The following MAN2A1 variants were observed in gnomAD, a reference collection of about 807,000 sequenced individuals.
The protein encoded by MAN2A1 is alpha-mannosidase 2.
In MAN2A1, 76 loss-of-function variants were observed where a neutral mutation model predicts 142.6. That is an observed-to-expected ratio of 0.53 (90% CI 0.44 to 0.65). MAN2A1 has a LOEUF of 0.65. Among genes scored for constraint, MAN2A1 ranks in the 30% least tolerant of loss-of-function variants. The probability of loss-of-function intolerance (pLI) is 0.00; values close to 1 mark genes in which losing one functional copy is unlikely to be tolerated. For missense variants in MAN2A1, 1,311 were observed against 1,365.1 expected, an observed-to-expected ratio of 0.96 and a Z score of 0.62; for synonymous variants, 559 against 473.2, an observed-to-expected ratio of 1.18 and a Z score of -2.35.
chr5:109,757,288 G>A (rs919500288), intron 5 of MAN2A1, among the ~76,000 whole-genome samples: 7 of 151,964 alleles, frequency 4.6e-5, no homozygotes, highest in African/African-American at 7.3e-5. Flanking sequence ...ATAAACCTCC[G>A]TTATGAATGT....
At chr5:109,805,377 T>C (rs1754138166) in intron 12 of MAN2A1, among the ~76,000 whole-genome samples, 1 of 152,250 alleles carries the variant, frequency 6.6e-6, no homozygotes, top group Non-Finnish European at 1.5e-5. Context: ...TCTGCTTCGG[T>C]TACATTTATG....
chr5:109,838,829 G>A (rs1755123500), intron 16 of MAN2A1, among the ~76,000 whole-genome samples: 1 of 152,166 alleles, frequency 6.6e-6, no homozygotes, highest in South Asian at 2.1e-4. Flanking sequence ...TTAAGTGTTT[G>A]TTGCCACAAC....
intron 5 of MAN2A1, among the ~76,000 whole-genome samples, chr5:109,757,193 A>G (rs1413814046): frequency 6.6e-6 from 1 of 152,142 alleles, no homozygotes; most frequent in African/African-American, 2.4e-5. Flanking sequence ...CAAATCACCA[A>G]ACCTGAAGGT....
intron 21 of MAN2A1, among the ~76,000 whole-genome samples, chr5:109,866,388 A>G (rs531613087): frequency 6.6e-6 from 1 of 151,844 alleles, no homozygotes; most frequent in East Asian, 1.9e-4. Context: ...CTCTCTCTTA[A>G]CTCTGTTGGA....
At position 109,797,260 on chromosome 5, in the gene MAN2A1, T is replaced by A. The variant is rs1173563154; in HGVS notation, c.1943+7733T>A. Among the ~76,000 whole-genome samples, 5 of 151,770 alleles carry A rather than the reference T, an allele frequency of 3.3e-5. No individual in the cohort carries two copies. The East Asian group carries it at 5.9e-4, about 18-fold the overall frequency. On this transcript the variant is annotated intron_variant, in intron 12 of 21. Transcript: ENST00000261483. Reference sequence around the variant, plus strand: ...TTACAGAGACCAGATGAAAATTTTTTTAAAAAAAGAGGACCTGGAACTCTC... The same window carrying A: ...TTACAGAGACCAGATGAAAATTTTTATAAAAAAAGAGGACCTGGAACTCTC...
intron 3 of MAN2A1, among the ~76,000 whole-genome samples, chr5:109,727,490 A>G: frequency 6.6e-6 from 1 of 152,178 alleles, no homozygotes; most frequent in East Asian, 1.9e-4. Context: ...TGAGGTGGTG[A>G]GACTTCAGCA....
intron 1 of MAN2A1, among the ~76,000 whole-genome samples, chr5:109,710,376 A>G (rs769238790): frequency 6.6e-6 from 1 of 152,208 alleles, no homozygotes; most frequent in Non-Finnish European, 1.5e-5. Context: ...TTGTTGAGCT[A>G]TAGGCAGTTT....
intron 13 of MAN2A1, among the ~76,000 whole-genome samples, chr5:109,819,348 T>C (rs1754558968): frequency 6.6e-6 from 1 of 152,242 alleles, no homozygotes; most frequent in Non-Finnish European, 1.5e-5. Flanking sequence ...CATCTGCATT[T>C]GCATATAACC....
chr5:109,754,887 G>A (rs996025082), intron 4 of MAN2A1, among the ~76,000 whole-genome samples: 1 of 152,218 alleles, frequency 6.6e-6, no homozygotes, highest in African/African-American at 2.4e-5. Flanking sequence ...TGTAATCCCG[G>A]TTACTCGGGA....
Position 109,736,779 on chromosome 5 carries a change from C to G in MAN2A1, c.707+7266C>G, listed in dbSNP as rs565693330. Among the ~76,000 whole-genome samples the G allele has an allele frequency of 2.6e-5, 4 of 152,048 alleles. No homozygotes were observed. The South Asian group carries it at 6.2e-4, about 24-fold the overall frequency. ...TGTTTATATTTTACCAGTTTTTACT[C>G]TTGACCTATCTGCTTTCATCTTTCC... On this transcript the variant is annotated intron_variant, in intron 4 of 21. Coordinates refer to ENST00000261483, the MANE Select transcript of MAN2A1 (RefSeq NM_002372.4).
At chr5:109,707,987 G>A (rs1275773145) in intron 1 of MAN2A1, among the ~76,000 whole-genome samples, 3 of 152,110 alleles carry the variant, frequency 2.0e-5, no homozygotes, top group Non-Finnish European at 4.4e-5. Context: ...TTCAGCGGGA[G>A]ATACAAATAT....
intron 15 of MAN2A1, among the ~76,000 whole-genome samples, chr5:109,821,121 G>A (rs781533794): frequency 4.6e-5 from 7 of 152,126 alleles, no homozygotes; most frequent in Non-Finnish European, 8.8e-5. Flanking sequence ...ACCAACAGGT[G>A]CACAATCCCA....
At chr5:109,735,073 A>T (rs1408668334) in intron 4 of MAN2A1, among the ~76,000 whole-genome samples, 1 of 152,166 alleles carries the variant, frequency 6.6e-6, no homozygotes, top group Non-Finnish European at 1.5e-5. Context: ...GGGTGCATGT[A>T]TATTTAGGAT....
At chr5:109,816,847 G>A (rs1035798075) in intron 12 of MAN2A1, among the ~76,000 whole-genome samples, 55 of 152,186 alleles carry the variant, frequency 3.6e-4, no homozygotes, top group African/African-American at 1.3e-3. Flanking sequence ...TTTAGAAAGG[G>A]CTTCTGAATC....
intron 16 of MAN2A1, among the ~76,000 whole-genome samples, chr5:109,836,287 G>GT (rs201375238): frequency 0.084 from 12,655 of 150,692 alleles, 627 homozygotes; most frequent in African/African-American, 0.15. Context: ...TTTTTGTGGG[G>GT]TTTTTTTTTA....
chr5:109,790,489 A>T (rs545742734), intron 12 of MAN2A1, among the ~76,000 whole-genome samples: 8 of 152,092 alleles, frequency 5.3e-5, no homozygotes, highest in South Asian at 4.1e-4. Flanking sequence ...TTATTTTAGT[A>T]ATACTAATGT....
At chr5:109,778,278 T>C (rs936129699) in intron 8 of MAN2A1, among the ~76,000 whole-genome samples, 3 of 152,050 alleles carry the variant, frequency 2.0e-5, no homozygotes, top group Admixed American at 6.5e-5. Context: ...TTTTAGTTAT[T>C]TGTGGATTCT....
At chr5:109,832,784 C>T (rs1478778361) in intron 16 of MAN2A1, among the ~76,000 whole-genome samples, 9 of 151,498 alleles carry the variant, frequency 5.9e-5, no homozygotes, top group African/African-American at 1.9e-4. Flanking sequence ...CCCCACCTCC[C>T]TCCCGGACGG....
In MAN2A1 at chr5:109,855,328, G is replaced by A; in HGVS notation, c.3165G>A (p.Gln1055=). Residue 1055 remains glutamine (Q), a synonymous_variant, in exon 20 of 22, where the codon CAG becomes CAA. Coordinates refer to ENST00000261483, the MANE Select transcript of MAN2A1 (RefSeq NM_002372.4). ...ATCTGGTTAATTTGAGAACAATACAGTCAAAGGTATGTCTCAAAATATATC... is the reference window on the plus strand; with the variant it reads ...ATCTGGTTAATTTGAGAACAATACAATCAAAGGTATGTCTCAAAATATATC... The part of the protein sequence containing the change: ...DIHLVNLRTI[Q]SKVGNGHSNE... 2 of 1,563,618 alleles carry A rather than the reference G, an allele frequency of 1.3e-6. No homozygotes were observed. Among genetic ancestry groups the A allele is most frequent in the Non-Finnish European group, 1.7e-6 (2 of 1,158,600 alleles).
Sources: gnomAD v4.1 joint callset for allele counts (sites outside exome capture counted in the v4.1 genomes callset) on GRCh38, gnomAD v4.1.1 for gene constraint, MANE v1.5 for transcripts, NCBI Gene and HGNC (gene_info 2026-07-23, HGNC 2026-07-21) for gene names.